Variants in AIFM3 observed in about 807,000 individuals in gnomAD.
AIFM3 encodes apoptosis-inducing factor 3.
Under a neutral mutation model 82.7 loss-of-function variants are expected in AIFM3, and 71 were observed. The ratio of observed to expected loss-of-function variants is 0.86; its 90% CI spans 0.71 to 1.05. The LOEUF (loss-of-function observed/expected upper bound fraction) is 1.05, where lower values mean the gene tolerates loss of function less well. Among genes scored for constraint, AIFM3 ranks in the 50% least tolerant of loss-of-function variants. AIFM3 has a pLI of 0.00. For missense variants in AIFM3, 748 were observed against 816.7 expected (o/e 0.92, Z 1.03); for synonymous variants, 337 against 329.1 (o/e 1.02, Z -0.26).
At chr22:20,973,689 C>A in intron 3 of AIFM3, 69 bp from the exon 4 acceptor site, 1 of 1,444,640 alleles carries the variant, frequency 6.9e-7, no homozygotes, top group Non-Finnish European at 9.3e-7. Context: ...GAAGGCTGGA[C>A]ACTGGGAGGA....
At chr22:20,968,779 A>C (rs1459615729) in intron 2 of AIFM3, among the ~76,000 whole-genome samples, 1 of 151,044 alleles carries the variant, frequency 6.6e-6, no homozygotes, top group Admixed American at 6.6e-5. Context: ...GCTCCACTCA[A>C]CCTGCCAGGC....
intron 14 of AIFM3, 131 bp from the exon 15 acceptor site, chr22:20,977,569 G>A (rs930208626): frequency 8.9e-7 from 1 of 1,118,390 alleles, no homozygotes; most frequent in Non-Finnish European, 1.3e-6. Context: ...CAGGGTGCAT[G>A]AAGGCCTCAG....
chr22:20,978,080 A>C, intron 16 of AIFM3, 75 bp downstream of exon 16: 1 of 1,421,278 alleles, frequency 7.0e-7, no homozygotes, highest in East Asian at 2.3e-5. Flanking sequence ...CCCATGCCTC[A>C]GTTGCTGACC....
chr22:20,971,307 G>GGGCCGGGAGTGGTGGCCCACGCCTGTA (rs1569146324), intron 2 of AIFM3, among the ~76,000 whole-genome samples: 1 of 152,190 alleles, frequency 6.6e-6, no homozygotes, highest in Non-Finnish European at 1.5e-5. Flanking sequence ...CACCTGATAC[G>GGGCCGGGAGTGGTGGCCCACGCCTGTA]ATGGCCTCAG....
chr22:20,979,652 C>T lies in AIFM3; in HGVS notation c.1602C>T (p.Val534=), dbSNP rs1923954800. The T allele has an allele frequency of 6.2e-7, 1 of 1,614,258 alleles. No individual in the cohort carries two copies. Among genetic ancestry groups the T allele is most frequent in the South Asian group, 1.1e-5 (1 of 91,092 alleles). Reference sequence around the variant, plus strand: ...GCTACGGAGAAGGCTTCGACGACGTCATCATCCAGGGGGATCTGGAGGAGC... The same window carrying T: ...GCTACGGAGAAGGCTTCGACGACGTTATCATCCAGGGGGATCTGGAGGAGC... ...YAGYGEGFDD[V]IIQGDLEELK... The change falls in exon 18 of 21, where the codon GTC becomes GTT. Residue 534 remains valine (V), a synonymous_variant. Coordinates refer to ENST00000440238, the MANE Select transcript of AIFM3 (RefSeq NM_001386814.1).
In AIFM3 at chr22:20,979,319, C is replaced by A; in HGVS notation, c.1526C>A (p.Thr509Asn). ...TTGGCGCAGGAGGCGGAGATGAGCACTGTGCCCTACCTCTGGACCGCCATG... is the reference window on the plus strand; with the variant it reads ...TTGGCGCAGGAGGCGGAGATGAGCAATGTGCCCTACCTCTGGACCGCCATG... ...NMLAQEAEMS[T>N]VPYLWTAMFG... The change falls in exon 17 of 21, where the codon ACT (threonine) becomes AAT (asparagine). Residue 509 changes from threonine (T) to asparagine (N), a missense_variant. By Grantham distance (65) the Thr-to-Asn change is moderately conservative. This residue lies in a region of AIFM3 where 183 missense variants were observed against 158.2 expected (regional missense o/e 1.16). Coordinates refer to ENST00000440238, the MANE Select transcript of AIFM3 (RefSeq NM_001386814.1). 1 of 1,560,568 alleles carries A rather than the reference C, an allele frequency of 6.4e-7. No individual in the cohort carries two copies.
At chr22:20,978,503 C>A (rs1204532304) in intron 16 of AIFM3, among the ~76,000 whole-genome samples, 8 of 152,014 alleles carry the variant, frequency 5.3e-5, no homozygotes, top group Non-Finnish European at 1.0e-4. Flanking sequence ...ACCAAGTCCC[C>A]CAAGCCTCAT....
chr22:20,973,985 C>A, intron 4 of AIFM3, 78 bp from the exon 5 acceptor site: 1 of 1,501,306 alleles, frequency 6.7e-7, no homozygotes, highest in South Asian at 1.3e-5. Context: ...TGGGGAGGGG[C>A]CCGCAGTTGC....
Position 20,979,690 on chromosome 22 carries a change from CT to C in AIFM3, c.1645del (p.Tyr549ThrfsTer7). ...QGDLEELKFV[A>X]FYTKGDEVIA... ...GATCTGGAGGAGCTGAAGTTTGTGG[CT>C]TTTTACACTAAGTGAGAGCACCGGG... On this transcript the variant is annotated frameshift_variant, in exon 18 of 21. Transcript: ENST00000440238. LOFTEE classifies it high-confidence loss of function. The C allele has an allele frequency of 6.2e-7, 1 of 1,614,192 alleles. No homozygotes were observed. Among genetic ancestry groups the C allele is most frequent in the Non-Finnish European group, 8.5e-7 (1 of 1,180,028 alleles).
intron 8 of AIFM3, 113 bp downstream of exon 8, chr22:20,974,929 C>A: frequency 1.0e-6 from 1 of 956,912 alleles, no homozygotes; most frequent in Non-Finnish European, 1.6e-6. Flanking sequence ...CCTGCTTATG[C>A]CAGGCCTGTC....
rs775285677 is a variant in AIFM3 at position 20,976,752 on chromosome 22, C to G, written c.1132C>G (p.Arg378Gly). 5 of 1,611,640 alleles carry G rather than the reference C, an allele frequency of 3.1e-6. No homozygotes were observed. Among genetic ancestry groups the G allele is most frequent in the Non-Finnish European group, 4.2e-6 (5 of 1,178,922 alleles). Residue 378 changes from arginine to glycine, a missense_variant, in exon 12 of 21, where the codon CGT (arginine) becomes GGT (glycine). Coordinates refer to ENST00000440238, the MANE Select transcript of AIFM3 (RefSeq NM_001386814.1). ...GAGGTTCCTGGGGGAGCGCGTGGGT[C>G]GTGCCCTCATGAAGGTGAGCCCACC... is the stretch of plus-strand genomic sequence containing the variant. ...FRRFLGERVG[R>G]ALMKMFENNR...
At position 20,977,709 on chromosome 22, in the gene AIFM3, C is replaced by A; in HGVS notation, c.1292C>A (p.Pro431His). ...DVCVVGIGAV[P>H]ATGFLRQSGI... Reference sequence around the variant, plus strand: ...GCTTCCGTCCTGTCAGGTGCAGTGCCCGCCACAGGCTTCCTGAGGCAAAGC... The same window carrying A: ...GCTTCCGTCCTGTCAGGTGCAGTGCACGCCACAGGCTTCCTGAGGCAAAGC... The change falls in exon 15 of 21, where the codon CCC (proline) becomes CAC (histidine). Residue 431 changes from proline to histidine, a missense_variant. Around this residue, in one of 5 missense-constraint regions of AIFM3, gnomAD observed 393 missense variants for 481.1 expected, o/e 0.82. Coordinates refer to ENST00000440238, the MANE Select transcript of AIFM3 (RefSeq NM_001386814.1). The A allele has an allele frequency of 6.2e-7, 1 of 1,614,166 alleles. No homozygotes were observed.
chr22:20,977,692 C>T lies in AIFM3; in HGVS notation c.1283-8C>T. 6.2e-7 allele frequency: 1 copy of T among 1,613,818 alleles called. No individual in the cohort carries two copies. Among genetic ancestry groups the T allele is most frequent in the Non-Finnish European group, 8.5e-7 (1 of 1,179,770 alleles). On this transcript the variant is annotated splice_polypyrimidine_tract_variant and splice_region_variant and intron_variant, in intron 14 of 20. Transcript: ENST00000440238. ...CAGGGGAGTGGACACAGGCTTCCGT[C>T]CTGTCAGGTGCAGTGCCCGCCACAG...
Position 20,973,816 on chromosome 22 carries a change from T to C in AIFM3, c.304T>C (p.Phe102Leu), listed in dbSNP as rs1286026861. ...GTTGCTGGTGAAGGACAATGGGGAG[T>C]TCCACGCCCTGGGCCATAAGTGTCC... ...KVLLVKDNGEFHALGHKCPHY... is the reference protein window; with the variant it reads ...KVLLVKDNGELHALGHKCPHY... Residue 102 changes from phenylalanine to leucine, a missense_variant, in exon 4 of 21, where the codon TTC (phenylalanine) becomes CTC (leucine). Phe to Leu is a conservative substitution (Grantham distance 22, BLOSUM62 0). Transcript: ENST00000440238. 1.3e-6 allele frequency: 2 copies of C among 1,581,886 alleles called. No homozygotes were observed. Among genetic ancestry groups the C allele is most frequent in the Admixed American group, 1.8e-5 (1 of 55,564 alleles).
intron 3 of AIFM3, 118 bp downstream of exon 3, chr22:20,973,638 C>A: frequency 1.4e-6 from 2 of 1,397,010 alleles, no homozygotes; most frequent in South Asian, 2.8e-5. Flanking sequence ...CTGCCCTGGT[C>A]ACTGCCTTTG....
In AIFM3 at chr22:20,976,291, T is replaced by A. The variant is rs1430098224; in HGVS notation, c.884T>A (p.Leu295Gln). The A allele has an allele frequency of 6.2e-7, 1 of 1,614,062 alleles. No individual in the cohort carries two copies. Among genetic ancestry groups the A allele is most frequent in the East Asian group, 2.2e-5 (1 of 44,886 alleles). Residue 295 changes from leucine to glutamine, a missense_variant, in exon 10 of 21, where the codon CTG becomes CAG. By Grantham distance (113) the Leu-to-Gln change is moderately radical (BLOSUM62 -2). This residue lies in a region of AIFM3 where 393 missense variants were observed against 481.1 expected (regional missense o/e 0.82). Coordinates refer to ENST00000440238, the MANE Select transcript of AIFM3 (RefSeq NM_001386814.1). ...GFKLEYSKLL[L>Q]APGSSPKTLS... The stretch of plus-strand genomic sequence containing the variant: ...AAGCTGGAGTACAGCAAGCTGCTGC[T>A]GGCACCAGGGAGCAGGTGGGAGGGT...
intron 6 of AIFM3, 105 bp from the exon 7 acceptor site, chr22:20,974,420 G>C: frequency 1.3e-6 from 2 of 1,557,452 alleles, no homozygotes; most frequent in Non-Finnish European, 1.7e-6. Context: ...AGCAGAGTGA[G>C]GGGTTGCGGT....
upstream of AIFM3, chr22:20,965,455 TC>T (rs1465448560): frequency 2.6e-5 from 4 of 152,218 alleles, no homozygotes; most frequent in African/African-American, 4.8e-5. Flanking sequence ...TGTGTGCCAG[TC>T]CCCCTTCTCG....
chr22:20,977,130 GC>G (rs1206146541), intron 14 of AIFM3, 35 bp downstream of exon 14: 1 of 1,613,054 alleles, frequency 6.2e-7, no homozygotes, highest in Admixed American at 1.7e-5. Flanking sequence ...GCACAAAGCA[GC>G]CCAGCCGTCT....
Sources: gnomAD v4.1 joint callset for allele counts (sites outside exome capture counted in the v4.1 genomes callset) on GRCh38, gnomAD v4.1.1 for gene constraint, gnomAD v4.1.1 regional missense constraint, MANE v1.5 for transcripts, NCBI Gene and HGNC (gene_info 2026-07-23, HGNC 2026-07-21) for gene names.